The following STX3 variants were observed in gnomAD, a reference collection of about 807,000 sequenced individuals.
The protein encoded by STX3 is syntaxin-3.
A neutral mutation model predicts 40.2 loss-of-function variants in STX3; 19 were observed. The observed-to-expected ratio is 0.47, with a 90% CI of 0.33 to 0.69. The LOEUF is 0.69. Among genes scored for constraint, STX3 ranks in the 30% least tolerant of loss-of-function variants. The pLI is 0.02. For missense variants in STX3, 364 were observed against 366.7 expected, an observed-to-expected ratio of 0.99 and a Z score of 0.06; for synonymous variants, 122 against 132.2, an observed-to-expected ratio of 0.92 and a Z score of 0.53.
At position 59,805,208 on chromosome 11, in the gene STX3, GTTCTTAA is replaced by G. The variant is rs1450776500; in HGVS notation, c.*4386_*4392del. The G allele has an allele frequency of 7.2e-6, 1 of 139,834 alleles. No homozygotes were observed. The highest frequency in any genetic ancestry group is 1.5e-5 in the Non-Finnish European group (1 of 66,052). The allele number at this position is 139,834 out of a possible 1,614,324, so 8.7% of individuals were successfully genotyped here. A position where few individuals can be genotyped will look rare whatever the true frequency, so the allele number is the denominator to read the frequency against. ...AAAAAAAAAACAAAAAAAAAAAACTGTTCTTAATACTTAATACTGTCCCCAATTCCAT... is the reference window on the plus strand; with the variant it reads ...AAAAAAAAAACAAAAAAAAAAAACTGTACTTAATACTGTCCCCAATTCCAT... On this transcript the variant is annotated 3_prime_UTR_variant, in exon 11 of 11. Coordinates refer to ENST00000337979, the MANE Select transcript of STX3 (RefSeq NM_004177.5).
chr11:59,757,822 T>C (rs1590739724), intron 1 of STX3, among the ~76,000 whole-genome samples: 1 of 152,254 alleles, frequency 6.6e-6, no homozygotes, highest in East Asian at 1.9e-4. Context: ...CTGGCGTTAT[T>C]ATAGGTTTTT....
chr11:59,785,090 A>G (rs1240647357), intron 2 of STX3, among the ~76,000 whole-genome samples: 2 of 152,192 alleles, frequency 1.3e-5, no homozygotes, highest in Non-Finnish European at 2.9e-5. Flanking sequence ...GTTGCTTTGT[A>G]AACTCTTAAA....
chr11:59,782,998 C>CAAA (rs111284922), intron 2 of STX3, among the ~76,000 whole-genome samples: 1 of 138,756 alleles, frequency 7.2e-6, no homozygotes, highest in African/African-American at 2.6e-5. Flanking sequence ...GGCTTTGTCT[C>CAAA]AAAAAAAAAA....
At chr11:59,760,440 T>G (rs1862971133) in intron 1 of STX3, among the ~76,000 whole-genome samples, 1 of 152,128 alleles carries the variant, frequency 6.6e-6, no homozygotes, top group Non-Finnish European at 1.5e-5. Flanking sequence ...TTGTTTTGTT[T>G]TTTTAATTAC....
intron 1 of STX3, among the ~76,000 whole-genome samples, chr11:59,755,902 G>A (rs1451612583): frequency 6.6e-6 from 1 of 152,238 alleles, no homozygotes; most frequent in Non-Finnish European, 1.5e-5. Context: ...TCCAGAGCTG[G>A]TTCCCGAAGC....
At chr11:59,778,272 C>T (rs969413439) in intron 2 of STX3, among the ~76,000 whole-genome samples, 1 of 152,134 alleles carries the variant, frequency 6.6e-6, no homozygotes, top group African/African-American at 2.4e-5. Flanking sequence ...GACAGCGTTG[C>T]AAGCATTAAG....
intron 1 of STX3, among the ~76,000 whole-genome samples, chr11:59,761,135 C>T (rs188808247): frequency 9.5e-4 from 144 of 152,308 alleles, no homozygotes; most frequent in Admixed American, 8.2e-3. Context: ...TCCCCAAGGA[C>T]GGAGTTCCAA....
rs1449784829 is a variant in STX3 at position 59,793,485 on chromosome 11, A to G, written c.646A>G (p.Met216Val). ...CATCAAGGAGCTTCACGACATGTTT[A>G]TGGACATCGCCATGCTGGTGGAGAA... The part of the protein sequence containing the change: ...SSIKELHDMF[M>V]DIAMLVENQG... Residue 216 changes from methionine to valine, a missense_variant, in exon 8 of 11, where the codon ATG becomes GTG. Physicochemically the swap from Met to Val is conservative, Grantham distance 21 (BLOSUM62 1). Transcript: ENST00000337979. 5 of 1,613,938 alleles carry G rather than the reference A, an allele frequency of 3.1e-6. No homozygotes were observed. The African/African-American group carries it at 6.7e-5, about 22-fold the overall frequency.
chr11:59,766,797 G>A lies in STX3; in HGVS notation c.31-6414G>A, dbSNP rs536702224. Among the ~76,000 whole-genome samples, 4 of 152,322 alleles carry A rather than the reference G, an allele frequency of 2.6e-5. No individual in the cohort carries two copies. The South Asian group carries it at 8.3e-4, about 32-fold the overall frequency. ...CTTAGGACAGATGACTTAAGCTTGA[G>A]CCCTGTTTCGGCAAATCAGTAGCTG... On this transcript the variant is annotated intron_variant, in intron 1 of 10. Coordinates refer to ENST00000337979, the MANE Select transcript of STX3 (RefSeq NM_004177.5).
intron 4 of STX3, among the ~76,000 whole-genome samples, chr11:59,790,201 A>G (rs1176295607): frequency 6.6e-6 from 1 of 152,238 alleles, no homozygotes; most frequent in Non-Finnish European, 1.5e-5. Context: ...TGTTTTACAG[A>G]TGAGAGAACA....
intron 10 of STX3, 53 bp from the exon 11 acceptor site, chr11:59,800,802 C>T (rs1005330123): frequency 3.3e-6 from 5 of 1,535,712 alleles, no homozygotes; most frequent in Non-Finnish European, 3.5e-6. Flanking sequence ...CCTTCTGTTG[C>T]CCTTTGCCTT....
intron 1 of STX3, among the ~76,000 whole-genome samples, chr11:59,766,976 A>G (rs554150737): frequency 5.9e-5 from 9 of 152,318 alleles, no homozygotes; most frequent in South Asian, 4.1e-4. Context: ...ATATTTTTAT[A>G]AATTATATGA....
At chr11:59,796,853 A>G (rs926359642) in intron 9 of STX3, among the ~76,000 whole-genome samples, 7 of 152,196 alleles carry the variant, frequency 4.6e-5, no homozygotes, top group South Asian at 4.1e-4. Context: ...GTTCACACCT[A>G]TAATCCCAGA....
chr11:59,797,435 C>A, intron 10 of STX3, 39 bp downstream of exon 10: 2 of 1,496,968 alleles, frequency 1.3e-6, no homozygotes, highest in East Asian at 4.5e-5. Context: ...CTGGATTTGG[C>A]TCCTCAAGAG....
intron 1 of STX3, among the ~76,000 whole-genome samples, chr11:59,763,023 G>A (rs1053503998): frequency 1.3e-5 from 2 of 152,188 alleles, no homozygotes; most frequent in Non-Finnish European, 2.9e-5. Context: ...TCTCTTGGGT[G>A]TGTAATTCCT....
At chr11:59,795,776 C>A (rs1337469038) in intron 9 of STX3, 3 of 1,384,686 alleles carry the variant, frequency 2.2e-6, no homozygotes, top group East Asian at 5.0e-5. Context: ...TTCTCCCTGG[C>A]CACCCCTACC....
chr11:59,793,993 T>G (rs1483812973), intron 8 of STX3, among the ~76,000 whole-genome samples: 1 of 152,166 alleles, frequency 6.6e-6, no homozygotes, highest in Non-Finnish European at 1.5e-5. Context: ...AGCCTCCTGA[T>G]ATGGACTAGT....
Position 59,793,173 on chromosome 11 carries a change from G to C in STX3, c.540+1G>C. The C allele has an allele frequency of 1.9e-6, 3 of 1,613,132 alleles. No individual in the cohort carries two copies. Among genetic ancestry groups the C allele is most frequent in the Non-Finnish European group, 2.5e-6 (3 of 1,179,866 alleles). ...CAACCCGGCCATCTTCACTTCTGGG[G>C]TGAGTGCCCTGTGTGCTCGGATAGC... is the stretch of plus-strand genomic sequence containing the variant. On this transcript the variant is annotated splice_donor_variant, in intron 7 of 10. Transcript: ENST00000337979. LOFTEE classifies it high-confidence loss of function.
intron 7 of STX3, 102 bp from the exon 8 acceptor site, chr11:59,793,278 G>A: frequency 6.2e-7 from 1 of 1,606,734 alleles, no homozygotes; most frequent in Non-Finnish European, 8.5e-7. Context: ...GGTGCAGGGA[G>A]TTCAGGGAGG....
Sources: gnomAD v4.1 joint callset for allele counts (sites outside exome capture counted in the v4.1 genomes callset) on GRCh38, gnomAD v4.1.1 for gene constraint, MANE v1.5 for transcripts, NCBI Gene and HGNC (gene_info 2026-07-23, HGNC 2026-07-21) for gene names.